Variants in ARHGAP6 observed in about 807,000 individuals in gnomAD.
The protein encoded by ARHGAP6 is rho GTPase-activating protein 6.
A neutral mutation model predicts 55.7 loss-of-function variants in ARHGAP6; 16 were observed. The observed-to-expected ratio is 0.29, with a 90% CI of 0.19 to 0.44. The LOEUF (loss-of-function observed/expected upper bound fraction) is 0.44, where lower values mean the gene tolerates loss of function less well. ARHGAP6 is among the 20% of genes least tolerant of loss of function. ARHGAP6 has a pLI of 1.00. For synonymous variants in ARHGAP6, 382 were observed against 360.9 expected (o/e 1.06, Z -0.66); for missense variants, 698 against 808.9 (o/e 0.86, Z 1.66).
chrX:11,463,877 T>C (rs968111821), intron 1 of ARHGAP6, among the ~76,000 whole-genome samples: 1 of 112,275 alleles, frequency 8.9e-6, no homozygotes, highest in Non-Finnish European at 1.9e-5. Context: ...ATAAGTCAAC[T>C]GCTTCGTAGT....
At chrX:11,487,618 TATTA>T (rs1245082129) in intron 1 of ARHGAP6, among the ~76,000 whole-genome samples, 3 of 112,197 alleles carry the variant, frequency 2.7e-5, no homozygotes, top group Non-Finnish European at 3.8e-5. Flanking sequence ...CTAAAACAAT[TATTA>T]ATTGTTTATC....
In ARHGAP6 at chrX:11,553,066, C is replaced by A. The variant is rs139520014; in HGVS notation, c.588+111175G>T. On this transcript the variant is annotated intron_variant, in intron 1 of 12. Coordinates refer to ENST00000337414, the MANE Select transcript of ARHGAP6 (RefSeq NM_013427.3). Reference sequence around the variant, plus strand: ...TCAAAAATGTATACATATGTCAAGACGTTAAAAACAAGACCAGGGGAACTT... The same window carrying A: ...TCAAAAATGTATACATATGTCAAGAAGTTAAAAACAAGACCAGGGGAACTT... 5.4e-5 allele frequency among the ~76,000 whole-genome samples: 6 copies of A among 110,839 alleles called. No individual in the cohort carries two copies. In the South Asian group the frequency reaches 2.3e-3, roughly 43 times the overall value.
At chrX:11,521,378 CTAGCCAGT>C (rs2050924467) in intron 1 of ARHGAP6, among the ~76,000 whole-genome samples, 2 of 112,249 alleles carry the variant, frequency 1.8e-5, no homozygotes, top group South Asian at 3.7e-4. Flanking sequence ...CTACAAATGG[CTAGCCAGT>C]TTTCCCAGCA....
intron 1 of ARHGAP6, among the ~76,000 whole-genome samples, chrX:11,548,363 C>A (rs897124135): frequency 9.0e-6 from 1 of 111,120 alleles, no homozygotes; most frequent in Non-Finnish European, 1.9e-5. Context: ...TTCCTCCTAT[C>A]TAGATGTAAG....
intron 2 of ARHGAP6, among the ~76,000 whole-genome samples, chrX:11,241,614 T>G (rs765228464): frequency 6.9e-4 from 75 of 108,887 alleles, no homozygotes; most frequent in Non-Finnish European, 1.3e-3. Flanking sequence ...TACCCTAGAT[T>G]GTTGGTTATT....
At chrX:11,582,118 AATTATT>A (rs2051673756) in intron 1 of ARHGAP6, among the ~76,000 whole-genome samples, 3 of 111,163 alleles carry the variant, frequency 2.7e-5, no homozygotes, top group African/African-American at 9.8e-5. Context: ...CCTGAGAGGT[AATTATT>A]ATTATTATCA....
chrX:11,460,324 T>C (rs2050232252), intron 1 of ARHGAP6, among the ~76,000 whole-genome samples: 1 of 111,241 alleles, frequency 9.0e-6, no homozygotes, highest in Admixed American at 9.5e-5. Flanking sequence ...ATTTCTGCAA[T>C]GGTAAGAAGC....
intron 4 of ARHGAP6, 86 bp downstream of exon 4, chrX:11,188,641 GT>G (rs911399501): frequency 1.8e-6 from 2 of 1,121,473 alleles, no homozygotes; most frequent in African/African-American, 3.7e-5. Context: ...TACATATCCA[GT>G]TTTCACATGA....
chrX:11,277,884 T>C (rs1180327507), intron 1 of ARHGAP6, among the ~76,000 whole-genome samples: 1 of 111,775 alleles, frequency 8.9e-6, no homozygotes, highest in Non-Finnish European at 1.9e-5. Context: ...CTTGCCTATA[T>C]CAGAAGAGAA....
chrX:11,622,105 C>A (rs903416187), intron 1 of ARHGAP6, among the ~76,000 whole-genome samples: 6 of 111,943 alleles, frequency 5.4e-5, no homozygotes, highest in Non-Finnish European at 1.1e-4. Context: ...TTAACACCCA[C>A]AGGCACTCAT....
intron 1 of ARHGAP6, among the ~76,000 whole-genome samples, chrX:11,362,219 A>C (rs371238397): frequency 2.7e-5 from 3 of 111,759 alleles, no homozygotes; most frequent in African/African-American, 6.5e-5. Context: ...TGTTTATTGC[A>C]GCACTATTCA....
At chrX:11,508,171 AT>A (rs778028791) in intron 1 of ARHGAP6, among the ~76,000 whole-genome samples, 1 of 110,886 alleles carries the variant, frequency 9.0e-6, no homozygotes, top group Admixed American at 9.6e-5. Flanking sequence ...AAAAATGAGT[AT>A]TTTTTTAAGA....
chrX:11,315,815 T>A (rs1195641278), intron 1 of ARHGAP6, among the ~76,000 whole-genome samples: 1 of 112,320 alleles, frequency 8.9e-6, no homozygotes, highest in East Asian at 2.8e-4. Context: ...TTATTTTTCA[T>A]CTGCAATTCC....
chrX:11,224,798 T>G (rs1369686416), intron 2 of ARHGAP6, among the ~76,000 whole-genome samples: 1 of 110,878 alleles, frequency 9.0e-6, no homozygotes, highest in East Asian at 2.8e-4. Context: ...TGAGCTGTAG[T>G]ACTGAAGTGA....
chrX:11,320,562 A>G (rs1487654620), intron 1 of ARHGAP6, among the ~76,000 whole-genome samples: 2 of 110,998 alleles, frequency 1.8e-5, no homozygotes, highest in African/African-American at 6.6e-5. Context: ...GGAGCCAGGA[A>G]TTAACGTGTG....
chrX:11,225,179 G>T (rs1227937968), intron 2 of ARHGAP6, among the ~76,000 whole-genome samples: 1 of 110,962 alleles, frequency 9.0e-6, no homozygotes, highest in Non-Finnish European at 1.9e-5. Flanking sequence ...AAATCTAGGG[G>T]ATGACTGTGT....
Position 11,665,115 on chromosome X carries a change from A to C in ARHGAP6, c.-287T>G. 1 of 264,594 alleles carries C rather than the reference A, an allele frequency of 3.8e-6. No homozygotes were observed. The highest frequency in any genetic ancestry group is 6.6e-6 in the Non-Finnish European group (1 of 150,636). The allele number at this position is 264,594 out of a possible 1,213,427, so 21.8% of individuals were successfully genotyped here. A position where few individuals can be genotyped will look rare whatever the true frequency, so the allele number is the denominator to read the frequency against. ...CGGAGCCCAAGACGCGAAGAGGGTC[A>C]GGAAGAGGAGGAGGAAGGTCAGGCG... On this transcript the variant is annotated 5_prime_UTR_variant, in exon 1 of 13. Coordinates refer to ENST00000337414, the MANE Select transcript of ARHGAP6 (RefSeq NM_013427.3).
At chrX:11,419,376 G>A (rs958608478) in intron 1 of ARHGAP6, among the ~76,000 whole-genome samples, 5 of 112,148 alleles carry the variant, frequency 4.5e-5, no homozygotes, top group African/African-American at 1.6e-4. Flanking sequence ...TAGCTAATGT[G>A]GGAGGATGCC....
intron 1 of ARHGAP6, among the ~76,000 whole-genome samples, chrX:11,570,186 G>A (rs1006256169): frequency 9.0e-6 from 1 of 110,898 alleles, no homozygotes; most frequent in Non-Finnish European, 1.9e-5. Context: ...AGAACCAAGT[G>A]TACAAACTCT....
Sources: gnomAD v4.1 joint callset for allele counts (sites outside exome capture counted in the v4.1 genomes callset) on GRCh38, gnomAD v4.1.1 for gene constraint, MANE v1.5 for transcripts, NCBI Gene and HGNC (gene_info 2026-07-23, HGNC 2026-07-21) for gene names.